SMG6: variants seen among roughly 807,000 people sequenced by gnomAD.
SMG6 encodes SMG6 nonsense mediated mRNA decay factor.
Under a neutral mutation model 142.2 loss-of-function variants are expected in SMG6, and 66 were observed. That is an observed-to-expected ratio of 0.46 (90% CI 0.38 to 0.57). The LOEUF (loss-of-function observed/expected upper bound fraction) is 0.57, where lower values mean the gene tolerates loss of function less well. Ranked by LOEUF, SMG6 falls within the 20% of genes least tolerant of loss-of-function variation. The probability of loss-of-function intolerance (pLI) is 0.00; values close to 1 mark genes in which losing one functional copy is unlikely to be tolerated. For missense variants in SMG6, 1,793 were observed against 1,832.0 expected, an observed-to-expected ratio of 0.98 and a Z score of 0.39; for synonymous variants, 779 against 702.4, an observed-to-expected ratio of 1.11 and a Z score of -1.72.
intron 5 of SMG6, 63 bp downstream of exon 5, chr17:2,292,808 C>A: frequency 6.7e-7 from 1 of 1,498,982 alleles, no homozygotes; most frequent in African/African-American, 1.4e-5. Context: ...GCCTACTGCT[C>A]TTAGTAAGGC....
At chr17:2,136,020 GTGTGTGTGTGTGTGTGTC>G (rs2070288336) in intron 13 of SMG6, among the ~76,000 whole-genome samples, 1 of 150,304 alleles carries the variant, frequency 6.7e-6, no homozygotes, top group African/African-American at 2.5e-5. Flanking sequence ...GTGTGTGTGT[GTGTGTGTGTGTGTGTGTC>G]TGTGTGTGTA....
chr17:2,299,506 G>C lies in SMG6; in HGVS notation c.1247C>G (p.Thr416Ser). 1 of 1,614,144 alleles carries C rather than the reference G, an allele frequency of 6.2e-7. No individual in the cohort carries two copies. Among genetic ancestry groups the C allele is most frequent in the Non-Finnish European group, 8.5e-7 (1 of 1,180,022 alleles). Residue 416 changes from threonine (T) to serine (S), a missense_variant, in exon 2 of 19, where the codon ACC (threonine) becomes AGC (serine). Thr to Ser is a moderately conservative substitution (Grantham distance 58, BLOSUM62 1). Around this residue, in one of 3 missense-constraint regions of SMG6, gnomAD observed 1,597 missense variants for 1,584.6 expected, o/e 1.01. Transcript: ENST00000263073. The surrounding 1 kb of genome is among the most constrained non-coding windows in gnomAD (Gnocchi z 4.3). ...RGILILPAHT[T>S]LSVNSAGSPE... ...AGAACCTGCTGAATTGACAGATAGGGTGGTATGGGCAGGCAAAATCAGAAT... is the reference window on the plus strand; with the variant it reads ...AGAACCTGCTGAATTGACAGATAGGCTGGTATGGGCAGGCAAAATCAGAAT...
chr17:2,145,419 C>T (rs7209460), intron 13 of SMG6, among the ~76,000 whole-genome samples: 115,221 of 151,694 alleles, frequency 0.76, 44,990 homozygotes, highest in African/African-American at 0.93. Context: ...GCCCAGCCTA[C>T]AGGGAGCACT....
intron 8 of SMG6, among the ~76,000 whole-genome samples, chr17:2,246,210 G>GC (rs1309800891): frequency 7.9e-5 from 12 of 152,158 alleles, no homozygotes; most frequent in Admixed American, 4.6e-4. Context: ...TCCAAAGCAA[G>GC]TAGAAACAAT....
At chr17:2,065,214 G>C (rs2067905454) in intron 17 of SMG6, 60 bp from the exon 18 acceptor site, 2 of 1,416,626 alleles carry the variant, frequency 1.4e-6, no homozygotes, top group African/African-American at 2.8e-5. Flanking sequence ...TGTGGAGGAG[G>C]AGGAGGGATC....
At chr17:2,261,526 T>A (rs1333047184) in intron 8 of SMG6, among the ~76,000 whole-genome samples, 2 of 152,296 alleles carry the variant, frequency 1.3e-5, no homozygotes, top group East Asian at 3.9e-4. Flanking sequence ...AAAGCCTTTG[T>A]TTCACAGCCA....
intron 13 of SMG6, among the ~76,000 whole-genome samples, chr17:2,159,679 A>C (rs1407965291): frequency 6.6e-6 from 1 of 152,236 alleles, no homozygotes; most frequent in Non-Finnish European, 1.5e-5. Flanking sequence ...ATATTTATCC[A>C]AGAGAAATGA....
chr17:2,265,556 C>T (rs913146558), intron 8 of SMG6, among the ~76,000 whole-genome samples: 5 of 151,808 alleles, frequency 3.3e-5, no homozygotes, highest in African/African-American at 1.2e-4. Flanking sequence ...TTCTCATTAA[C>T]AATCAATTTC....
intron 8 of SMG6, among the ~76,000 whole-genome samples, chr17:2,261,559 G>A (rs2074314718): frequency 4.6e-5 from 7 of 152,096 alleles, no homozygotes. Context: ...TGCCCCATAT[G>A]TCCTAATCCC....
chr17:2,144,860 T>C (rs1286583398), intron 13 of SMG6, among the ~76,000 whole-genome samples: 1 of 152,062 alleles, frequency 6.6e-6, no homozygotes, highest in East Asian at 1.9e-4. Flanking sequence ...CAGGGCCTCC[T>C]ACATCATTCC....
At chr17:2,064,995 C>G in intron 18 of SMG6, 78 bp downstream of exon 18, 1 of 1,175,588 alleles carries the variant, frequency 8.5e-7, no homozygotes, top group South Asian at 1.3e-5. Context: ...CAGTGGAGCC[C>G]TTCTCAGGGG....
At chr17:2,158,556 T>G (rs1174078040) in intron 13 of SMG6, among the ~76,000 whole-genome samples, 1 of 152,180 alleles carries the variant, frequency 6.6e-6, no homozygotes, top group Non-Finnish European at 1.5e-5. Context: ...AAAGCCTTTG[T>G]CCTAAATGAT....
At chr17:2,205,835 T>C (rs778248400) in intron 10 of SMG6, among the ~76,000 whole-genome samples, 151 of 152,232 alleles carry the variant, frequency 9.9e-4, no homozygotes, top group African/African-American at 2.9e-3. Flanking sequence ...CCCAGACAGA[T>C]GCTAGCTCTG....
intron 13 of SMG6, among the ~76,000 whole-genome samples, chr17:2,164,975 G>A (rs1044129824): frequency 3.3e-5 from 5 of 152,094 alleles, no homozygotes; most frequent in Non-Finnish European, 5.9e-5. Flanking sequence ...ATCTGCAAAG[G>A]TCTTTTTGTC....
chr17:2,118,011 G>C (rs988493780), intron 13 of SMG6, among the ~76,000 whole-genome samples: 2 of 152,170 alleles, frequency 1.3e-5, no homozygotes, highest in African/African-American at 4.8e-5. Context: ...GGGAGGCCAA[G>C]GCAGGGGGAT....
intron 13 of SMG6, among the ~76,000 whole-genome samples, chr17:2,153,447 C>T (rs2070887805): frequency 6.6e-6 from 1 of 152,214 alleles, no homozygotes; most frequent in Non-Finnish European, 1.5e-5. Context: ...GTGATGGTTA[C>T]ATGAAAGTAT....
chr17:2,194,158 A>T (rs1218550768), intron 10 of SMG6, among the ~76,000 whole-genome samples: 2 of 152,114 alleles, frequency 1.3e-5, no homozygotes, highest in Non-Finnish European at 2.9e-5. Flanking sequence ...TGCAGGGGGG[A>T]CCACATGTAC....
rs10601842 is a variant in SMG6, at chr17:2,171,356, AGTGTGTGT to A, written c.3357+1294_3357+1301del. Among the ~76,000 whole-genome samples the A allele has an allele frequency of 4.0e-5, 6 of 149,412 alleles. No individual in the cohort carries two copies. The East Asian group carries it at 5.9e-4, about 15-fold the overall frequency. Reference sequence around the variant, plus strand: ...CCTCCAGTTTTATTGAAAATGAAAGAGTGTGTGTGTGTGTGTGTGTGTGTGTACTATAA... The same window carrying A: ...CCTCCAGTTTTATTGAAAATGAAAGAGTGTGTGTGTGTGTGTGTACTATAA... On this transcript the variant is annotated intron_variant, in intron 13 of 18. Coordinates refer to ENST00000263073, the MANE Select transcript of SMG6 (RefSeq NM_017575.5).
At chr17:2,156,254 G>A (rs886173103) in intron 13 of SMG6, among the ~76,000 whole-genome samples, 9 of 150,764 alleles carry the variant, frequency 6.0e-5, no homozygotes, top group Admixed American at 3.3e-4. Context: ...TTAGCCGGGC[G>A]TGGTCAGTGG....
Sources: gnomAD v4.1 joint callset for allele counts (sites outside exome capture counted in the v4.1 genomes callset) on GRCh38, gnomAD v4.1.1 for gene constraint, gnomAD v4.1.1 regional missense constraint, Gnocchi (gnomAD v3.1) non-coding constraint, MANE v1.5 for transcripts, NCBI Gene and HGNC (gene_info 2026-07-23, HGNC 2026-07-21) for gene names.